The following CELA2B variants were observed in gnomAD, a reference collection of about 807,000 sequenced individuals.
CELA2B encodes chymotrypsin-like elastase family member 2B.
In CELA2B, 27 loss-of-function variants were observed where a neutral mutation model predicts 36.5. That is an observed-to-expected ratio of 0.74 (90% CI 0.55 to 1.02). CELA2B has a LOEUF of 1.02. Among genes scored for constraint, CELA2B ranks in the 50% least tolerant of loss-of-function variants. CELA2B has a pLI of 0.00. For missense variants in CELA2B, 340 were observed against 347.8 expected (o/e 0.98, Z 0.18); for synonymous variants, 143 against 148.5 (o/e 0.96, Z 0.27).
chr1:15,487,524 C>G, intron 7 of CELA2B, 87 bp downstream of exon 7: 1 of 1,520,140 alleles, frequency 6.6e-7, no homozygotes. Flanking sequence ...GACTGAGAAC[C>G]CCCTCCTTCC....
At chr1:15,477,408 T>C (rs1708686399) in intron 2 of CELA2B, among the ~76,000 whole-genome samples, 1 of 152,202 alleles carries the variant, frequency 6.6e-6, no homozygotes, top group Admixed American at 6.5e-5. Context: ...CAAACAAATA[T>C]AGTAAAATCT....
At chr1:15,480,959 TG>T in intron 2 of CELA2B, 138 bp from the exon 3 acceptor site, 1 of 802,118 alleles carries the variant, frequency 1.2e-6, no homozygotes, top group Non-Finnish European at 2.0e-6. Flanking sequence ...GCTGAGGTTT[TG>T]GGTGCCCCCT....
chr1:15,481,095 C>T lies in CELA2B; in HGVS notation c.130-3C>T, dbSNP rs375989268. The T allele has an allele frequency of 1.7e-5, 27 of 1,612,172 alleles. No homozygotes were observed. In the African/African-American group the frequency reaches 2.9e-4, roughly 18 times the overall value. ...ACAGCCACAGACCTGTGTTTCTCCCCAGGTCTCCCTGCAGTACAGCTCCAA... is the reference window on the plus strand; with the variant it reads ...ACAGCCACAGACCTGTGTTTCTCCCTAGGTCTCCCTGCAGTACAGCTCCAA... On this transcript the variant is annotated splice_polypyrimidine_tract_variant and splice_region_variant and intron_variant, in intron 2 of 7. Transcript: ENST00000375910.
At chr1:15,478,173 G>GT (rs1469237608) in intron 2 of CELA2B, among the ~76,000 whole-genome samples, 1 of 151,378 alleles carries the variant, frequency 6.6e-6, no homozygotes, top group Admixed American at 6.6e-5. Context: ...GCGGGCACCT[G>GT]TAATACCAGC....
chr1:15,480,346 A>C (rs926857656), intron 2 of CELA2B, among the ~76,000 whole-genome samples: 1 of 152,154 alleles, frequency 6.6e-6, no homozygotes, highest in African/African-American at 2.4e-5. Flanking sequence ...AGTAGCTGGG[A>C]CTACAGGCAT....
chr1:15,490,726 C>G (rs1014091600), intron 7 of CELA2B: 2 of 152,952 alleles, frequency 1.3e-5, no homozygotes, highest in African/African-American at 4.8e-5. Context: ...AAAAATCAGC[C>G]AGGCATGGTG....
At chr1:15,482,236 A>G (rs769568982) in intron 3 of CELA2B, 29 bp from the exon 4 acceptor site, 15 of 1,612,054 alleles carry the variant, frequency 9.3e-6, no homozygotes, top group Middle Eastern at 1.6e-4. Context: ...TCTGGAGGTG[A>G]CCCTCTCCCT....
chr1:15,490,260 A>C lies in CELA2B; in HGVS notation c.793-1035A>C, dbSNP rs57199206. On this transcript the variant is annotated intron_variant, in intron 7 of 7. Coordinates refer to ENST00000375910, the MANE Select transcript of CELA2B (RefSeq NM_015849.3). ...TCTATCTATCTATCTATCTATCTAT[A>C]TACACACACACACACATAGACACTG... Among the ~76,000 whole-genome samples the C allele has an allele frequency of 7.8e-3, 860 of 110,490 alleles. 5 individuals are homozygous for C. Among genetic ancestry groups the C allele is most frequent in the African/African-American group, 0.012 (373 of 30,638 alleles). The allele number at this position is 110,490 out of a possible 152,430, so 72.5% of individuals were successfully genotyped here.
At chr1:15,486,439 A>G (rs973786744) in intron 6 of CELA2B, among the ~76,000 whole-genome samples, 32 of 152,138 alleles carry the variant, frequency 2.1e-4, no homozygotes, top group Non-Finnish European at 4.3e-4. Flanking sequence ...AGATGATGCC[A>G]CTGCACTCCA....
intron 7 of CELA2B, among the ~76,000 whole-genome samples, chr1:15,490,674 C>T (rs1708873031): frequency 1.3e-5 from 2 of 152,086 alleles, no homozygotes; most frequent in Admixed American, 1.3e-4. Context: ...TCGAGACCAG[C>T]CTGGCCAACA....
chr1:15,477,891 T>C (rs763918945), intron 2 of CELA2B, among the ~76,000 whole-genome samples: 1 of 152,216 alleles, frequency 6.6e-6, no homozygotes, highest in Non-Finnish European at 1.5e-5. Context: ...GTTTCTAATT[T>C]AAGTAGAAGG....
chr1:15,482,174 A>G, intron 3 of CELA2B, 91 bp from the exon 4 acceptor site: 1 of 1,510,890 alleles, frequency 6.6e-7, no homozygotes, highest in Non-Finnish European at 9.0e-7. Flanking sequence ...CTAGTGGCTC[A>G]TGAAGCAGCC....
chr1:15,485,537 T>C (rs1359219515), intron 5 of CELA2B, among the ~76,000 whole-genome samples: 3 of 152,244 alleles, frequency 2.0e-5, no homozygotes, highest in Non-Finnish European at 4.4e-5. Flanking sequence ...CAGGAAACAC[T>C]CACTGAGAAA....
chr1:15,481,219 T>C (rs756652164), intron 3 of CELA2B, 24 bp downstream of exon 3: 2 of 1,613,954 alleles, frequency 1.2e-6, no homozygotes, highest in African/African-American at 2.7e-5. Context: ...CCTGGGCGCT[T>C]GGCCTGCTCA....
At chr1:15,479,320 G>A (rs1708713262) in intron 2 of CELA2B, among the ~76,000 whole-genome samples, 1 of 152,136 alleles carries the variant, frequency 6.6e-6, no homozygotes, top group African/African-American at 2.4e-5. Context: ...TGAGGCAGGT[G>A]GATCACCTGA....
chr1:15,479,827 G>A (rs918152084), intron 2 of CELA2B, among the ~76,000 whole-genome samples: 1 of 152,200 alleles, frequency 6.6e-6, no homozygotes, highest in African/African-American at 2.4e-5. Context: ...ATATTCCAGG[G>A]AGGAGGAAGA....
intron 7 of CELA2B, among the ~76,000 whole-genome samples, 177 bp downstream of exon 7, chr1:15,487,614 TTC>T (rs1708821789): frequency 6.6e-6 from 1 of 152,172 alleles, no homozygotes; most frequent in Non-Finnish European, 1.5e-5. Flanking sequence ...TCCCCAAAAT[TTC>T]TGTGTGGGTA....
chr1:15,480,143 G>A (rs867741388), intron 2 of CELA2B, among the ~76,000 whole-genome samples: 14 of 152,158 alleles, frequency 9.2e-5, no homozygotes, highest in Non-Finnish European at 1.6e-4. Context: ...CGAGAAGAGA[G>A]GGTGATTGCG....
chr1:15,485,857 A>G (rs767407369), intron 5 of CELA2B, 44 bp from the exon 6 acceptor site: 1 of 1,607,564 alleles, frequency 6.2e-7, no homozygotes, highest in African/African-American at 1.3e-5. Flanking sequence ...CCTTTTTCTC[A>G]GGAGTCCCTG....
Sources: gnomAD v4.1 joint callset for allele counts (sites outside exome capture counted in the v4.1 genomes callset) on GRCh38, gnomAD v4.1.1 for gene constraint, MANE v1.5 for transcripts, NCBI Gene and HGNC (gene_info 2026-07-23, HGNC 2026-07-21) for gene names.